Variants in KCNIP4 observed in about 807,000 individuals in gnomAD.
KCNIP4 encodes the protein Kv channel-interacting protein 4.
A neutral mutation model predicts 34.0 loss-of-function variants in KCNIP4; 12 were observed. The observed-to-expected ratio is 0.35, with a 90% confidence interval of 0.23 to 0.57. KCNIP4 has a LOEUF of 0.57. Ranked by LOEUF, KCNIP4 falls within the 20% of genes least tolerant of loss-of-function variation. The pLI is 0.83. For missense variants in KCNIP4, 238 were observed against 311.7 expected (o/e 0.76, Z 1.78); for synonymous variants, 124 against 102.2 (o/e 1.21, Z -1.29).
rs1377944277 is a variant in KCNIP4 at position 21,645,803 on chromosome 4, G to A, written c.61+302768C>T. Among the ~76,000 whole-genome samples, 3 of 152,190 alleles carry A rather than the reference G, an allele frequency of 2.0e-5. No homozygotes were observed. In the East Asian group the frequency reaches 5.8e-4, roughly 29 times the overall value. On this transcript the variant is annotated intron_variant, in intron 1 of 8. Coordinates refer to ENST00000382152, the MANE Select transcript of KCNIP4 (RefSeq NM_025221.6). ...ACAGAGACTGTCTCCTCCTGCCATG[G>A]GTAGCAATGACCACAACTCTCAAAT...
intron 1 of KCNIP4, among the ~76,000 whole-genome samples, chr4:21,466,093 C>A (rs750031147): frequency 2.0e-5 from 3 of 152,170 alleles, no homozygotes; most frequent in Non-Finnish European, 4.4e-5. Flanking sequence ...GTTCACTATG[C>A]TCTACCCACT....
At chr4:21,011,650 A>G (rs1458159272) in intron 1 of KCNIP4, among the ~76,000 whole-genome samples, 1 of 152,222 alleles carries the variant, frequency 6.6e-6, no homozygotes, top group African/African-American at 2.4e-5. Flanking sequence ...ACATATTTAT[A>G]ATGAAAAGCT....
At chr4:21,608,456 T>G (rs1175436046) in intron 1 of KCNIP4, among the ~76,000 whole-genome samples, 2 of 152,164 alleles carry the variant, frequency 1.3e-5, no homozygotes, top group Admixed American at 1.3e-4. Flanking sequence ...ATTACCTGCA[T>G]TCCTTGGCTT....
At chr4:20,906,138 C>CTT (rs1401564424) in intron 1 of KCNIP4, among the ~76,000 whole-genome samples, 7 of 142,168 alleles carry the variant, frequency 4.9e-5, no homozygotes, top group Non-Finnish European at 1.1e-4. Flanking sequence ...TTCTCTTTCT[C>CTT]TCTCTCTTGT....
At chr4:21,868,813 G>A (rs1449950834) in intron 1 of KCNIP4, among the ~76,000 whole-genome samples, 4 of 152,082 alleles carry the variant, frequency 2.6e-5, no homozygotes, top group Admixed American at 1.3e-4. Context: ...TTCATATCAC[G>A]CCTCCAGAAC....
At chr4:21,012,466 C>T (rs969865130) in intron 1 of KCNIP4, among the ~76,000 whole-genome samples, 1 of 152,064 alleles carries the variant, frequency 6.6e-6, no homozygotes, top group African/African-American at 2.4e-5. Flanking sequence ...CATCTGTAGT[C>T]CCAATTAATC....
chr4:21,361,583 A>C (rs1560328215), intron 1 of KCNIP4, among the ~76,000 whole-genome samples: 2 of 152,100 alleles, frequency 1.3e-5, no homozygotes, highest in Non-Finnish European at 2.9e-5. Flanking sequence ...ACTAGGTACA[A>C]TTAGGAACAA....
At chr4:21,057,689 G>A (rs552624359) in intron 1 of KCNIP4, among the ~76,000 whole-genome samples, 11 of 152,274 alleles carry the variant, frequency 7.2e-5, no homozygotes, top group South Asian at 2.1e-4. Context: ...CACAGTGGTC[G>A]TCTTTGAGGT....
intron 1 of KCNIP4, among the ~76,000 whole-genome samples, chr4:21,878,855 G>T (rs1287158792): frequency 6.6e-6 from 1 of 152,138 alleles, no homozygotes; most frequent in East Asian, 1.9e-4. Flanking sequence ...AATGAAGTGA[G>T]ATGAACATAA....
chr4:20,937,944 T>G (rs1033086659), intron 1 of KCNIP4, among the ~76,000 whole-genome samples: 1 of 152,228 alleles, frequency 6.6e-6, no homozygotes, highest in African/African-American at 2.4e-5. Context: ...ATAATTCTAT[T>G]TTTTCCCTTG....
chr4:20,877,390 C>T (rs1435682214), intron 2 of KCNIP4, among the ~76,000 whole-genome samples: 1 of 152,138 alleles, frequency 6.6e-6, no homozygotes, highest in Non-Finnish European at 1.5e-5. Flanking sequence ...CCCCTGTTGC[C>T]CTATTTAAAT....
chr4:20,872,169 A>G (rs1486958383), intron 2 of KCNIP4, among the ~76,000 whole-genome samples: 1 of 152,116 alleles, frequency 6.6e-6, no homozygotes, highest in African/African-American at 2.4e-5. Context: ...GGAACACTCA[A>G]TGAAGAATAT....
At chr4:20,847,972 T>C (rs955029283) in intron 3 of KCNIP4, among the ~76,000 whole-genome samples, 3 of 152,156 alleles carry the variant, frequency 2.0e-5, no homozygotes, top group Admixed American at 6.5e-5. Context: ...CTTTCTTGGA[T>C]GGAAGCTGCT....
rs544001969 is a variant in KCNIP4 at position 20,995,856 on chromosome 4, G to A, written c.62-113147C>T. Among the ~76,000 whole-genome samples, 25 of 152,310 alleles carry A rather than the reference G, an allele frequency of 1.6e-4. 1 individual carries two copies. Among genetic ancestry groups the A allele is most frequent in the African/African-American group, 5.5e-4 (23 of 41,570 alleles). On this transcript the variant is annotated intron_variant, in intron 1 of 8. Transcript: ENST00000382152. ...TGTGGGGCATGAAGGGTGTGAGGAAGCTTACAGCCCAGAAGAAAAGGGAAG... is the reference window on the plus strand; with the variant it reads ...TGTGGGGCATGAAGGGTGTGAGGAAACTTACAGCCCAGAAGAAAAGGGAAG...
At chr4:21,297,625 C>G (rs1354925265) in intron 1 of KCNIP4, among the ~76,000 whole-genome samples, 1 of 152,094 alleles carries the variant, frequency 6.6e-6, no homozygotes, top group Non-Finnish European at 1.5e-5. Context: ...GTTTCCTTAT[C>G]TATAAGATGA....
intron 1 of KCNIP4, among the ~76,000 whole-genome samples, chr4:21,939,532 T>C (rs1730075437): frequency 6.6e-6 from 1 of 152,128 alleles, no homozygotes; most frequent in Non-Finnish European, 1.5e-5. Flanking sequence ...CAATGCCTGG[T>C]TCTGCACTCT....
chr4:21,055,137 T>C (rs1210181197), intron 1 of KCNIP4, among the ~76,000 whole-genome samples: 1 of 152,114 alleles, frequency 6.6e-6, no homozygotes, highest in Admixed American at 6.6e-5. Flanking sequence ...CAAAAGAAGA[T>C]ATACAGATGG....
At chr4:21,924,737 C>G (rs1729137257) in intron 1 of KCNIP4, among the ~76,000 whole-genome samples, 1 of 152,128 alleles carries the variant, frequency 6.6e-6, no homozygotes, top group Non-Finnish European at 1.5e-5. Flanking sequence ...ATAATTTTCT[C>G]AACACTCACA....
intron 1 of KCNIP4, among the ~76,000 whole-genome samples, chr4:21,048,669 T>C (rs915161629): frequency 2.6e-5 from 4 of 152,170 alleles, no homozygotes; most frequent in Admixed American, 1.3e-4. Flanking sequence ...GAAAGAATAC[T>C]TGTAAGTGAT....
Sources: gnomAD v4.1 joint callset for allele counts (sites outside exome capture counted in the v4.1 genomes callset) on GRCh38, gnomAD v4.1.1 for gene constraint, MANE v1.5 for transcripts, NCBI Gene and HGNC (gene_info 2026-07-23, HGNC 2026-07-21) for gene names.